Variants in ABCG2 observed in about 807,000 individuals in gnomAD.
ABCG2 encodes broad substrate specificity ATP-binding cassette transporter ABCG2.
ABCG2 carries 80 observed loss-of-function variants against 73.5 expected under a neutral mutation model. That is an observed-to-expected ratio of 1.09 (90% CI 0.91 to 1.31). The LOEUF is 1.31. Ranked by LOEUF, ABCG2 falls within the 50% of genes most tolerant of loss-of-function variation. ABCG2 has a pLI of 0.00. For missense variants in ABCG2, 796 were observed against 786.2 expected (o/e 1.01, Z -0.15); for synonymous variants, 269 against 282.4 (o/e 0.95, Z 0.48).
chr4:88,159,355 T>G, upstream of ABCG2: 1 of 376,698 alleles, frequency 2.7e-6, no homozygotes, highest in Non-Finnish European at 5.3e-6. Flanking sequence ...TCTGAGAAAG[T>G]GGATGCTTGC....
At chr4:88,119,023 C>A (rs1043445235) in intron 6 of ABCG2, among the ~76,000 whole-genome samples, 1 of 152,166 alleles carries the variant, frequency 6.6e-6, no homozygotes, top group Admixed American at 6.5e-5. Flanking sequence ...CCACCCAAAT[C>A]TCACCTTCAA....
In ABCG2 at chr4:88,197,197, CA is replaced by C. The variant is rs200839263; in HGVS notation, c.-20+33796del. Among the ~76,000 whole-genome samples the C allele has an allele frequency of 7.2e-3, 814 of 113,764 alleles. 16 individuals are homozygous for C. In the East Asian group the frequency reaches 0.37, roughly 52 times the overall value. 74.6% of individuals were successfully genotyped at this position (113,764 alleles called of 152,430 possible). On this transcript the variant is annotated intron_variant, in intron 1 of 15. Coordinates refer to the ABCG2 transcript ENST00000515655. Reference sequence around the variant, plus strand: ...GTACATCATGTCTGGCTTTCAACAACAAAAAAAAAAAAACAAGGCATACTAA... The same window carrying C: ...GTACATCATGTCTGGCTTTCAACAACAAAAAAAAAAAACAAGGCATACTAA...
At chr4:88,122,605 C>T (rs1263896365) in intron 5 of ABCG2, among the ~76,000 whole-genome samples, 1 of 152,200 alleles carries the variant, frequency 6.6e-6, no homozygotes, top group Admixed American at 6.5e-5. Flanking sequence ...GCCAGACTGC[C>T]TCTCTAGATT....
At chr4:88,118,373 TCTTA>T (rs1326099614) in intron 6 of ABCG2, 113 bp from the exon 7 acceptor site, 21 of 1,126,116 alleles carry the variant, frequency 1.9e-5, no homozygotes, top group East Asian at 2.6e-5. Context: ...CCTGACTTTG[TCTTA>T]CTAACTTTTC....
At chr4:88,132,840 A>G (rs1378281375) in intron 2 of ABCG2, among the ~76,000 whole-genome samples, 3 of 152,080 alleles carry the variant, frequency 2.0e-5, no homozygotes, top group Non-Finnish European at 4.4e-5. Context: ...GGGAGACCAA[A>G]GCAGGATTGC....
chr4:88,146,292 T>G (rs913089205), intron 1 of ABCG2, among the ~76,000 whole-genome samples: 1 of 150,836 alleles, frequency 6.6e-6, no homozygotes, highest in Non-Finnish European at 1.5e-5. Flanking sequence ...AAACTGGCAA[T>G]AGACAGGTTA....
chr4:88,178,057 G>A (rs1210529574), intron 1 of ABCG2, among the ~76,000 whole-genome samples: 1 of 152,164 alleles, frequency 6.6e-6, no homozygotes, highest in Non-Finnish European at 1.5e-5. Flanking sequence ...CAGTGGACTT[G>A]AAGGGCAACA....
chr4:88,207,185 A>G (rs1229353361), intron 1 of ABCG2, among the ~76,000 whole-genome samples: 1 of 152,248 alleles, frequency 6.6e-6, no homozygotes, highest in Non-Finnish European at 1.5e-5. Context: ...AGAAATCTCT[A>G]GAACATTAAA....
intron 1 of ABCG2, among the ~76,000 whole-genome samples, chr4:88,214,227 G>A (rs1055278141): frequency 2.6e-5 from 4 of 151,644 alleles, no homozygotes; most frequent in Non-Finnish European, 1.5e-5. Context: ...CTCCAGCAGT[G>A]TACCCGCCTC....
At chr4:88,131,475 G>GCTT in intron 4 of ABCG2, among the ~76,000 whole-genome samples, 1 of 152,236 alleles carries the variant, frequency 6.6e-6, no homozygotes, top group Middle Eastern at 3.4e-3. Context: ...TTTCCAAACT[G>GCTT]CTTCATACAA....
chr4:88,100,902 G>A (rs535836387), intron 11 of ABCG2, among the ~76,000 whole-genome samples: 2 of 152,152 alleles, frequency 1.3e-5, no homozygotes, highest in East Asian at 1.9e-4. Context: ...TTTATTGCTT[G>A]CTCTCTCCAA....
intron 2 of ABCG2, among the ~76,000 whole-genome samples, chr4:88,136,873 G>T (rs1725280834): frequency 6.6e-6 from 1 of 151,688 alleles, no homozygotes; most frequent in Admixed American, 6.6e-5. Flanking sequence ...AAAATTAGCT[G>T]GGCATGGTGG....
intron 1 of ABCG2, among the ~76,000 whole-genome samples, chr4:88,154,850 G>A (rs150124906): frequency 0.013 from 1,957 of 152,314 alleles, 37 homozygotes; most frequent in African/African-American, 0.044. Context: ...GCTGTAGAGA[G>A]TGAGTTGAGC....
Position 88,094,622 on chromosome 4 carries a change from C to T in ABCG2, c.1775G>A (p.Cys592Tyr). The T allele has an allele frequency of 6.2e-7, 1 of 1,614,054 alleles. No homozygotes were observed. The highest frequency in any genetic ancestry group is 1.1e-5 in the South Asian group (1 of 91,072). Residue 592 changes from cysteine to tyrosine, a missense_variant, in exon 15 of 16, where the codon TGC becomes TAC. Coordinates refer to ENST00000237612, the MANE Select transcript of ABCG2 (RefSeq NM_004827.3). ...GTTTCCTGTTGCATTGAGTCCTGGGCAGAAGTTTTGTCCCAAAAATTCATT... is the reference window on the plus strand; with the variant it reads ...GTTTCCTGTTGCATTGAGTCCTGGGTAGAAGTTTTGTCCCAAAAATTCATT... ...QHNEFLGQNF[C>Y]PGLNATGNNP...
chr4:88,122,821 C>A (rs530017594), intron 5 of ABCG2, among the ~76,000 whole-genome samples: 1 of 152,364 alleles, frequency 6.6e-6, no homozygotes, highest in Non-Finnish European at 1.5e-5. Context: ...TGCTAAGGGA[C>A]AGATTGCCTC....
chr4:88,134,227 G>A (rs17731538), intron 2 of ABCG2, among the ~76,000 whole-genome samples: 18,962 of 152,138 alleles, frequency 0.12, 1,448 homozygotes, highest in Middle Eastern at 0.24. Context: ...ATACAATTAT[G>A]AGTGATAAGC....
chr4:88,120,087 C>T (rs1000471240), intron 6 of ABCG2, among the ~76,000 whole-genome samples: 4 of 152,102 alleles, frequency 2.6e-5, no homozygotes, highest in Admixed American at 1.3e-4. Context: ...TGTACAGTCT[C>T]GAGACTTGGT....
rs1345454334 is a variant in ABCG2 at position 88,115,016 on chromosome 4, A to G, written c.884T>C (p.Leu295Ser). 2.5e-6 allele frequency: 4 copies of G among 1,613,288 alleles called. No homozygotes were observed. The highest frequency in any genetic ancestry group is 1.7e-4 in the Middle Eastern group (1 of 6,060). The change falls in exon 8 of 16, where the codon TTG becomes TCG. Residue 295 changes from leucine (L) to serine (S), a missense_variant. Physicochemically the swap from Leu to Ser is moderately radical, Grantham distance 145. Coordinates refer to ENST00000237612, the MANE Select transcript of ABCG2 (RefSeq NM_004827.3). ...AGTGGAATCTCCATTAATGATGTCCAAGAAGAAGTCTGCAGGGTTATTATA... is the reference window on the plus strand; with the variant it reads ...AGTGGAATCTCCATTAATGATGTCCGAGAAGAAGTCTGCAGGGTTATTATA... ...EAYNNPADFFLDIINGDSTAV... is the reference protein window; with the variant it reads ...EAYNNPADFFSDIINGDSTAV...
intron 1 of ABCG2, among the ~76,000 whole-genome samples, chr4:88,211,796 G>A (rs1729611353): frequency 6.6e-6 from 1 of 152,134 alleles, no homozygotes; most frequent in Non-Finnish European, 1.5e-5. Context: ...AGTCAAACCG[G>A]TACTGCACTA....
Sources: gnomAD v4.1 joint callset for allele counts (sites outside exome capture counted in the v4.1 genomes callset) on GRCh38, gnomAD v4.1.1 for gene constraint, MANE v1.5 for transcripts, NCBI Gene and HGNC (gene_info 2026-07-23, HGNC 2026-07-21) for gene names.